The following SORBS2 variants were observed in gnomAD, a reference collection of about 807,000 sequenced individuals.
The protein encoded by SORBS2 is sorbin and SH3 domain containing 2.
Under a neutral mutation model 97.7 loss-of-function variants are expected in SORBS2, and 46 were observed. The ratio of observed to expected loss-of-function variants is 0.47; its 90% CI spans 0.37 to 0.60. The LOEUF is 0.60. Among genes scored for constraint, SORBS2 ranks in the 20% least tolerant of loss-of-function variants. The probability of loss-of-function intolerance (pLI) is 0.00; values close to 1 mark genes in which losing one functional copy is unlikely to be tolerated. For synonymous variants in SORBS2, 476 were observed against 473.4 expected (o/e 1.01, Z -0.07); for missense variants, 1,316 against 1,282.3 (o/e 1.03, Z -0.40).
chr4:185,806,931 G>A (rs897313440), intron 1 of SORBS2, among the ~76,000 whole-genome samples: 4 of 152,084 alleles, frequency 2.6e-5, no homozygotes, highest in African/African-American at 7.2e-5. Context: ...ACTAGGACAA[G>A]GAACCTGAAA....
intron 1 of SORBS2, among the ~76,000 whole-genome samples, chr4:185,890,487 G>A (rs2099241920): frequency 6.6e-6 from 1 of 152,158 alleles, no homozygotes; most frequent in African/African-American, 2.4e-5. Flanking sequence ...GATTAGAACT[G>A]TGTGTCTCTA....
chr4:185,954,098 T>C (rs1254438828), intron 1 of SORBS2, among the ~76,000 whole-genome samples: 1 of 152,258 alleles, frequency 6.6e-6, no homozygotes, highest in Admixed American at 6.5e-5. Flanking sequence ...TAGAAATAGA[T>C]TTTATATATC....
intron 1 of SORBS2, among the ~76,000 whole-genome samples, chr4:185,947,043 C>T (rs932811607): frequency 2.6e-5 from 4 of 152,342 alleles, no homozygotes; most frequent in African/African-American, 9.6e-5. Flanking sequence ...ATTACATATC[C>T]AGGGTAAAAT....
chr4:185,714,558 G>A (rs577686423), intron 2 of SORBS2, among the ~76,000 whole-genome samples: 121 of 151,916 alleles, frequency 8.0e-4, no homozygotes, highest in African/African-American at 2.8e-3. Flanking sequence ...ATCTGTTCTC[G>A]CACTGCTAAT....
At chr4:185,701,686 C>G (rs1247903026) in intron 2 of SORBS2, among the ~76,000 whole-genome samples, 1 of 152,024 alleles carries the variant, frequency 6.6e-6, no homozygotes, top group Non-Finnish European at 1.5e-5. Flanking sequence ...TCTGCCATTC[C>G]TAACACAGAG....
chr4:185,733,521 C>A (rs1303115513), intron 2 of SORBS2, among the ~76,000 whole-genome samples: 1 of 152,146 alleles, frequency 6.6e-6, no homozygotes, highest in Non-Finnish European at 1.5e-5. Context: ...CATTGGTGGG[C>A]TGGAGGGGCT....
intron 12 of SORBS2, among the ~76,000 whole-genome samples, chr4:185,598,950 G>C (rs1350304636): frequency 6.6e-6 from 1 of 152,036 alleles, no homozygotes; most frequent in Non-Finnish European, 1.5e-5. Flanking sequence ...TTATAGATGG[G>C]TCCTTTTCAC....
intron 1 of SORBS2, among the ~76,000 whole-genome samples, chr4:185,816,800 T>C (rs1211997498): frequency 6.6e-6 from 1 of 152,214 alleles, no homozygotes; most frequent in Non-Finnish European, 1.5e-5. Flanking sequence ...AAAATGATTA[T>C]AGAAGAACAA....
At chr4:185,747,835 C>A (rs903101912) in intron 2 of SORBS2, among the ~76,000 whole-genome samples, 3 of 152,004 alleles carry the variant, frequency 2.0e-5, no homozygotes, top group Admixed American at 6.6e-5. Context: ...ACCGAAAATA[C>A]AAAAAATTAG....
intron 2 of SORBS2, among the ~76,000 whole-genome samples, chr4:185,724,353 G>A (rs72702080): frequency 0.03 from 4,456 of 151,008 alleles, 65 homozygotes; most frequent in Middle Eastern, 0.042. Flanking sequence ...AAGACAAAAG[G>A]ATGAGCAGCT....
At chr4:185,855,007 G>A (rs935349908) in intron 1 of SORBS2, among the ~76,000 whole-genome samples, 37 of 152,106 alleles carry the variant, frequency 2.4e-4, no homozygotes, top group Admixed American at 1.2e-3. Flanking sequence ...CAATAATCTC[G>A]TTATATATTT....
intron 4 of SORBS2, chr4:185,645,613 T>G (rs756408680): frequency 6.6e-6 from 1 of 152,214 alleles, no homozygotes; most frequent in Non-Finnish European, 1.5e-5. Flanking sequence ...GAGTTTCCAA[T>G]TAAACCACAG....
chr4:185,943,410 G>A (rs2099273043), intron 1 of SORBS2, among the ~76,000 whole-genome samples: 2 of 152,214 alleles, frequency 1.3e-5, no homozygotes, highest in Non-Finnish European at 2.9e-5. Context: ...CTCCAGATGT[G>A]ATGGCATAGA....
chr4:185,918,855 TAC>T (rs1207043102), intron 1 of SORBS2, among the ~76,000 whole-genome samples: 1 of 152,238 alleles, frequency 6.6e-6, no homozygotes. Flanking sequence ...CATGAAGATT[TAC>T]AGTTTCCACG....
exon 15 of SORBS2, chr4:185,587,400 G>A (rs1348471846): frequency 3.8e-6 from 2 of 523,638 alleles, no homozygotes; most frequent in South Asian, 2.6e-5. Context: ...AAAGCTTAGA[G>A]CAGGAAGTAG....
intron 2 of SORBS2, among the ~76,000 whole-genome samples, chr4:185,712,925 C>G (rs2098436337): frequency 6.6e-6 from 1 of 152,172 alleles, no homozygotes; most frequent in Admixed American, 6.5e-5. Flanking sequence ...CTTCTGTTTA[C>G]CACCTAACAC....
rs200501073 is a variant in SORBS2, at chr4:185,589,670, C to T, written c.2953+9G>A. ...TAGCCGAAGGTGCCTGAGGAAGAAG[C>T]GCACATACCCACAAACCAGCCGTCA... is the stretch of plus-strand genomic sequence containing the variant. On this transcript the variant is annotated intron_variant, in intron 14 of 14. Coordinates refer to ENST00000418609, the Ensembl canonical transcript of SORBS2. 1.1e-5 allele frequency: 17 copies of T among 1,539,140 alleles called. No homozygotes were observed. The highest frequency in any genetic ancestry group is 6.7e-5 in the Admixed American group (4 of 59,942).
At chr4:185,597,102 C>T (rs1214289395) in intron 12 of SORBS2, among the ~76,000 whole-genome samples, 1 of 152,188 alleles carries the variant, frequency 6.6e-6, no homozygotes, top group Non-Finnish European at 1.5e-5. Context: ...TGACTAATTA[C>T]AGTACTTGAA....
At chr4:185,927,014 A>G (rs2099264031) in intron 1 of SORBS2, among the ~76,000 whole-genome samples, 1 of 151,826 alleles carries the variant, frequency 6.6e-6, no homozygotes, top group Non-Finnish European at 1.5e-5. Flanking sequence ...TTGAACTGCC[A>G]TGCTATTATA....
Sources: allele counts gnomAD v4.1 joint callset (sites outside exome capture counted in the v4.1 genomes callset), GRCh38; gene constraint gnomAD v4.1.1; transcripts MANE v1.5; gene names NCBI Gene and HGNC (gene_info 2026-07-23, HGNC 2026-07-21).